KIF24: variants seen among roughly 807,000 people sequenced by gnomAD.
The protein encoded by KIF24 is kinesin-like protein KIF24.
In KIF24, 81 loss-of-function variants were observed where a neutral mutation model predicts 118.9. The ratio of observed to expected loss-of-function variants is 0.68; its 90% confidence interval spans 0.57 to 0.82. KIF24 has a LOEUF of 0.82. Ranked by LOEUF, KIF24 falls within the 40% of genes least tolerant of loss-of-function variation. The probability of loss-of-function intolerance (pLI) is 0.00; values close to 1 mark genes in which losing one functional copy is unlikely to be tolerated. For synonymous variants in KIF24, 599 were observed against 610.0 expected (o/e 0.98, Z 0.27); for missense variants, 1,560 against 1,661.6 (o/e 0.94, Z 1.06).
At chr9:34,332,725 G>C (rs926217486), upstream of KIF24, among the ~76,000 whole-genome samples, 11 of 152,162 alleles carry the variant, frequency 7.2e-5, no homozygotes, top group African/African-American at 2.7e-4. Context: ...TGACTCAGCA[G>C]CTTCGTCTCT....
At position 34,318,819 on chromosome 9, in the gene KIF24, CAGTG is replaced by C; in HGVS notation, c.-25-7452_-25-7449del. The C allele has an allele frequency of 1.3e-6, 2 of 1,582,482 alleles. No homozygotes were observed. Among genetic ancestry groups the C allele is most frequent in the South Asian group, 2.2e-5 (2 of 90,306 alleles). Reference sequence around the variant, plus strand: ...TGCAGTCGCCTGTAGGGACCCAGCTCAGTGAGTTTCGCTGATGACTTCGTGCGCA... The same window carrying C: ...TGCAGTCGCCTGTAGGGACCCAGCTCAGTTTCGCTGATGACTTCGTGCGCA... On this transcript the variant is annotated intron_variant, in intron 1 of 12. Coordinates refer to ENST00000402558, the MANE Select transcript of KIF24 (RefSeq NM_194313.4). The surrounding 1 kb of genome is among the most constrained non-coding windows in gnomAD (Gnocchi z 4.9).
intron 6 of KIF24, among the ~76,000 whole-genome samples, chr9:34,285,938 A>AG (rs1394925893): frequency 6.6e-6 from 1 of 150,902 alleles, no homozygotes; most frequent in Non-Finnish European, 1.5e-5. Context: ...CTTAAAAAAA[A>AG]AAAAAAAAAA....
chr9:34,259,881 A>C (rs1003324456), intron 9 of KIF24, among the ~76,000 whole-genome samples, 176 bp from the exon 10 acceptor site: 4 of 152,214 alleles, frequency 2.6e-5, no homozygotes, highest in Non-Finnish European at 4.4e-5. Context: ...TACTCACCAC[A>C]TCACTAATCC....
intron 4 of KIF24, among the ~76,000 whole-genome samples, chr9:34,295,293 G>C (rs1836424888): frequency 6.6e-6 from 1 of 152,028 alleles, no homozygotes; most frequent in Non-Finnish European, 1.5e-5. Flanking sequence ...CTACAGCCTT[G>C]ACCTCCTGGG....
chr9:34,317,604 A>C (rs1477286363), intron 1 of KIF24, among the ~76,000 whole-genome samples: 1 of 152,212 alleles, frequency 6.6e-6, no homozygotes, highest in Non-Finnish European at 1.5e-5. Context: ...AATCTCTCAC[A>C]ATACTGGCTC....
chr9:34,307,240 A>T (rs934187988), intron 2 of KIF24, among the ~76,000 whole-genome samples: 1 of 152,038 alleles, frequency 6.6e-6, no homozygotes, highest in Non-Finnish European at 1.5e-5. Flanking sequence ...AATTTTTGTA[A>T]TTTTTGTAGG....
chr9:34,259,786 G>T, intron 9 of KIF24, 81 bp from the exon 10 acceptor site: 1 of 859,820 alleles, frequency 1.2e-6, no homozygotes, highest in Non-Finnish European at 2.0e-6. Context: ...GCAGGATGCT[G>T]GGCCATAGTT....
chr9:34,288,357 A>G (rs909618628), intron 5 of KIF24, among the ~76,000 whole-genome samples: 12 of 152,026 alleles, frequency 7.9e-5, no homozygotes, highest in Admixed American at 7.9e-4. Context: ...GCATGGTAGC[A>G]TGTACCTGTA....
At chr9:34,303,342 TG>T (rs576147970) in intron 3 of KIF24, among the ~76,000 whole-genome samples, 2 of 152,120 alleles carry the variant, frequency 1.3e-5, no homozygotes, top group Non-Finnish European at 2.9e-5. Context: ...TAAAAAAGTA[TG>T]TGTATTATTT....
At chr9:34,290,556 G>A (rs940358805) in intron 4 of KIF24, among the ~76,000 whole-genome samples, 167 bp from the exon 5 acceptor site, 5 of 149,876 alleles carry the variant, frequency 3.3e-5, no homozygotes, top group African/African-American at 1.2e-4. Context: ...TAAGAACACA[G>A]GAAGAGGAAA....
chr9:34,311,758 G>GTA (rs1563961638), intron 1 of KIF24, among the ~76,000 whole-genome samples: 8 of 120,876 alleles, frequency 6.6e-5, no homozygotes, highest in Admixed American at 2.6e-4. Flanking sequence ...GTATATATGT[G>GTA]TATATATACA....
At chr9:34,271,056 C>T (rs939772891) in intron 7 of KIF24, among the ~76,000 whole-genome samples, 2 of 151,994 alleles carry the variant, frequency 1.3e-5, no homozygotes, top group Non-Finnish European at 2.9e-5. Flanking sequence ...GATCATGCCA[C>T]TGCACTCCAG....
chr9:34,307,917 G>C (rs1333180481), intron 2 of KIF24, among the ~76,000 whole-genome samples: 1 of 151,670 alleles, frequency 6.6e-6, no homozygotes, highest in Non-Finnish European at 1.5e-5. Flanking sequence ...GACATATTGG[G>C]ATTCAGTGTT....
At chr9:34,303,140 C>T (rs936512351) in intron 3 of KIF24, among the ~76,000 whole-genome samples, 11 of 151,816 alleles carry the variant, frequency 7.2e-5, no homozygotes, top group African/African-American at 2.7e-4. Flanking sequence ...GTTTTGAACC[C>T]CTGGGCTCAA....
At chr9:34,265,732 A>G (rs1280350610) in intron 8 of KIF24, among the ~76,000 whole-genome samples, 1 of 152,156 alleles carries the variant, frequency 6.6e-6, no homozygotes, top group Non-Finnish European at 1.5e-5. Context: ...ATTTTGAAAT[A>G]CATATATATT....
chr9:34,306,172 T>C (rs773841590), intron 3 of KIF24, 80 bp downstream of exon 3: 30 of 878,328 alleles, frequency 3.4e-5, no homozygotes, highest in Non-Finnish European at 5.0e-5. Flanking sequence ...GAAACTTGTA[T>C]GCCACCACTC....
intron 8 of KIF24, among the ~76,000 whole-genome samples, chr9:34,264,611 T>C (rs1835217723): frequency 6.6e-6 from 1 of 152,138 alleles, no homozygotes; most frequent in Non-Finnish European, 1.5e-5. Context: ...GGAAATTTCC[T>C]CTTTTATTAA....
chr9:34,289,804 G>C (rs1013885898), intron 5 of KIF24, among the ~76,000 whole-genome samples: 4 of 152,158 alleles, frequency 2.6e-5, no homozygotes, highest in Non-Finnish European at 5.9e-5. Context: ...ACAAGAGAAA[G>C]TAGAAAACAT....
chr9:34,318,411 C>A lies in KIF24; in HGVS notation c.-25-7040G>T. 1.4e-6 allele frequency: 1 copy of A among 700,386 alleles called. No homozygotes were observed. Among genetic ancestry groups the A allele is most frequent in the South Asian group, 1.5e-5 (1 of 67,474 alleles). The allele number at this position is 700,386 out of a possible 1,614,324, so 43.4% of individuals were successfully genotyped here. A position where few individuals can be genotyped will look rare whatever the true frequency, so the allele number is the denominator to read the frequency against. ...GCAAACCACCTCCCAGCCACGCGCT[C>A]CCTCCTGCTCCTCAGCGCCTTCTGC... On this transcript the variant is annotated intron_variant, in intron 1 of 12. Transcript: ENST00000402558. The surrounding 1 kb of genome is among the most constrained non-coding windows in gnomAD (Gnocchi z 4.9).
Sources: gnomAD v4.1 joint callset for allele counts (sites outside exome capture counted in the v4.1 genomes callset) on GRCh38, gnomAD v4.1.1 for gene constraint, Gnocchi (gnomAD v3.1) non-coding constraint, MANE v1.5 for transcripts, NCBI Gene and HGNC (gene_info 2026-07-23, HGNC 2026-07-21) for gene names.